Variants in TMEM175 observed in about 807,000 individuals in gnomAD.
TMEM175 encodes the protein endosomal/lysosomal proton channel TMEM175.
TMEM175 carries 36 observed loss-of-function variants against 36.5 expected under a neutral mutation model. The observed-to-expected ratio is 0.99, with a 90% CI of 0.76 to 1.30. The LOEUF is 1.30. Ranked by LOEUF, TMEM175 falls within the 50% of genes most tolerant of loss-of-function variation. The pLI is 0.00. For missense variants in TMEM175, 705 were observed against 692.8 expected, an observed-to-expected ratio of 1.02 and a Z score of -0.20; for synonymous variants, 339 against 313.4, an observed-to-expected ratio of 1.08 and a Z score of -0.86.
chr4:948,254 G>C, intron 3 of TMEM175, 100 bp downstream of exon 3: 1 of 1,607,612 alleles, frequency 6.2e-7, no homozygotes, highest in Non-Finnish European at 8.5e-7. Flanking sequence ...ACGCCTCGAA[G>C]CTTCTGAGGC....
At position 948,152 on chromosome 4, in the gene TMEM175, C is replaced by G. The variant is rs149041873; in HGVS notation, c.190C>G (p.Gln64Glu). ...PVTHTEISPE[Q>E]QFDRSVQRLL... is the part of the protein sequence containing the mutation. ...GACCCACACGGAGATCTCCCCAGAA[C>G]AGGTAACGGGGCAGGCTGTGCTCTG... Residue 64 changes from glutamine (Q) to glutamate (E), a missense_variant and splice_region_variant, in exon 3 of 11, where the codon CAG becomes GAG. Gln to Glu is a conservative substitution (Grantham distance 29). Coordinates refer to ENST00000264771, the MANE Select transcript of TMEM175 (RefSeq NM_032326.4). 7.4e-5 allele frequency: 119 copies of G among 1,614,074 alleles called. No homozygotes were observed. Among genetic ancestry groups the G allele is most frequent in the Non-Finnish European group, 9.7e-5 (114 of 1,180,060 alleles).
chr4:953,999 CTTTTTTTT>C (rs529343345), intron 8 of TMEM175, among the ~76,000 whole-genome samples: 4 of 149,510 alleles, frequency 2.7e-5, no homozygotes, highest in Admixed American at 2.0e-4. Context: ...TTCTTTTTTT[CTTTTTTTT>C]TTCTTGAGAC....
chr4:950,385 C>A, intron 3 of TMEM175, 36 bp from the exon 4 acceptor site: 2 of 1,516,728 alleles, frequency 1.3e-6, no homozygotes, highest in South Asian at 2.2e-5. Flanking sequence ...ACACTCATGT[C>A]ACCTGGGCTC....
In TMEM175 at chr4:944,338, A is replaced by C. The variant is rs189447751; in HGVS notation, c.-31-3371A>C. On this transcript the variant is annotated intron_variant, in intron 1 of 10. Coordinates refer to ENST00000264771, the MANE Select transcript of TMEM175 (RefSeq NM_032326.4). ...ACGAGGCAAAATTACAGTGACAGAA[A>C]ACAGATCAGTGGTTGCTGGAGCTTG... Among the ~76,000 whole-genome samples, 117 of 152,324 alleles carry C rather than the reference A, an allele frequency of 7.7e-4. 1 individual carries two copies. The highest frequency in any genetic ancestry group is 2.6e-3 in the African/African-American group (109 of 41,574).
At chr4:951,138 AAG>A in intron 4 of TMEM175, 67 bp from the exon 5 acceptor site, 4 of 1,380,772 alleles carry the variant, frequency 2.9e-6, no homozygotes, top group Non-Finnish European at 3.1e-6. Flanking sequence ...AGATGCTGGA[AAG>A]AGTGTGTGTG....
chr4:943,036 G>A (rs1310811096), intron 1 of TMEM175, among the ~76,000 whole-genome samples: 5 of 152,082 alleles, frequency 3.3e-5, no homozygotes, highest in African/African-American at 4.8e-5. Context: ...CATCTTGCAG[G>A]ATTTTTAACT....
intron 10 of TMEM175, among the ~76,000 whole-genome samples, chr4:957,548 C>G (rs776033425): frequency 6.6e-6 from 1 of 152,258 alleles, no homozygotes; most frequent in Non-Finnish European, 1.5e-5. Flanking sequence ...CAGCCCAGGG[C>G]CCCCAGCAGC....
chr4:958,565 G>A lies in TMEM175; in HGVS notation c.*69G>A. 3 of 1,341,838 alleles carry A rather than the reference G, an allele frequency of 2.2e-6. No homozygotes were observed. Among genetic ancestry groups the A allele is most frequent in the Admixed American group, 2.9e-5 (1 of 34,532 alleles). 83.1% of individuals were successfully genotyped at this position (1,341,838 alleles called of 1,614,324 possible). A position where few individuals can be genotyped will look rare whatever the true frequency, so the allele number is the denominator to read the frequency against. On this transcript the variant is annotated 3_prime_UTR_variant, in exon 11 of 11. Coordinates refer to ENST00000264771, the MANE Select transcript of TMEM175 (RefSeq NM_032326.4). ...CAGGGAGGACAGGATGCTGGGCAGGGGAAGCCAAGTCACGGGCAGGCCGCA... is the reference window on the plus strand; with the variant it reads ...CAGGGAGGACAGGATGCTGGGCAGGAGAAGCCAAGTCACGGGCAGGCCGCA...
At chr4:935,286 T>C (rs2152995779) in intron 1 of TMEM175, among the ~76,000 whole-genome samples, 1 of 152,324 alleles carries the variant, frequency 6.6e-6, no homozygotes, top group African/African-American at 2.4e-5. Context: ...AATATCTATC[T>C]CCATATCTCA....
At chr4:935,863 C>G (rs1424338174) in intron 1 of TMEM175, among the ~76,000 whole-genome samples, 2 of 152,164 alleles carry the variant, frequency 1.3e-5, no homozygotes, top group African/African-American at 4.8e-5. Context: ...CTGAATAACT[C>G]ACTTTTGTTT....
chr4:956,552 C>G (rs1729683298), intron 10 of TMEM175: 2 of 1,000,148 alleles, frequency 2.0e-6, no homozygotes, highest in Non-Finnish European at 2.7e-6. Flanking sequence ...AAGCAATTCT[C>G]CTGCCTCAGC....
rs756372733 is a variant in TMEM175 at position 958,087 on chromosome 4, C to G, written c.1106C>G (p.Pro369Arg). Residue 369 changes from proline to arginine, a missense_variant, in exon 11 of 11, where the codon CCC becomes CGC. Transcript: ENST00000264771. ...CAGACCTCGGCCTTCGCCCGGCAGC[C>G]CCGCGATGAGCTGGAGCGCGTGCGT... ...YQQTSAFARQPRDELERVRVS... is the reference protein window; with the variant it reads ...YQQTSAFARQRRDELERVRVS... 10 of 1,607,554 alleles carry G rather than the reference C, an allele frequency of 6.2e-6. No individual in the cohort carries two copies. The highest frequency in any genetic ancestry group is 8.5e-6 in the Non-Finnish European group (10 of 1,179,696).
intron 10 of TMEM175, chr4:956,492 G>C (rs1345609197): frequency 3.2e-6 from 4 of 1,266,040 alleles, no homozygotes; most frequent in South Asian, 2.6e-5. Flanking sequence ...GCCCAGGCTG[G>C]AGTATAGTGG....
chr4:942,612 G>T (rs2152998511), intron 1 of TMEM175, among the ~76,000 whole-genome samples: 1 of 150,824 alleles, frequency 6.6e-6, no homozygotes, highest in African/African-American at 2.4e-5. Context: ...ATATTATTTT[G>T]GCTGTTAAGG....
chr4:944,414 G>T (rs912979716), intron 1 of TMEM175, among the ~76,000 whole-genome samples: 18 of 152,220 alleles, frequency 1.2e-4, no homozygotes, highest in African/African-American at 4.3e-4. Context: ...AGAACAGTTT[G>T]CTGGATTGTG....
At chr4:933,421 C>T (rs549924084) in intron 1 of TMEM175, among the ~76,000 whole-genome samples, 1 of 152,190 alleles carries the variant, frequency 6.6e-6, no homozygotes, top group Non-Finnish European at 1.5e-5. Flanking sequence ...GCAGGAGAAT[C>T]GCTTGAACCC....
Position 958,201 on chromosome 4 carries a change from C to T in TMEM175, c.1220C>T (p.Pro407Leu). The T allele has an allele frequency of 6.2e-7, 1 of 1,602,256 alleles. No individual in the cohort carries two copies. Among genetic ancestry groups the T allele is most frequent in the Non-Finnish European group, 8.5e-7 (1 of 1,176,800 alleles). Residue 407 changes from proline to leucine, a missense_variant, in exon 11 of 11, where the codon CCC becomes CTC. Pro to Leu is a moderately conservative substitution (Grantham distance 98, BLOSUM62 -3). Coordinates refer to ENST00000264771, the MANE Select transcript of TMEM175 (RefSeq NM_032326.4). ...ALLHQAETLQ[P>L]SVWFGGREHV... ...CTGCACCAGGCGGAGACGCTGCAGC[C>T]CTCGGTGTGGTTTGGCGGCCGGGAG...
At chr4:950,323 C>G in intron 3 of TMEM175, 98 bp from the exon 4 acceptor site, 2 of 1,026,402 alleles carry the variant, frequency 1.9e-6, no homozygotes, top group South Asian at 1.4e-5. Context: ...TCGCCCTGCC[C>G]TGGGCCGAGG....
intron 8 of TMEM175, among the ~76,000 whole-genome samples, chr4:954,177 C>T (rs778589965): frequency 1.2e-4 from 18 of 151,898 alleles, no homozygotes; most frequent in South Asian, 2.1e-4. Context: ...TTAGTAGACA[C>T]GGGGTTTCAC....
Sources: allele counts gnomAD v4.1 joint callset (sites outside exome capture counted in the v4.1 genomes callset), GRCh38; gene constraint gnomAD v4.1.1; transcripts MANE v1.5; gene names NCBI Gene and HGNC (gene_info 2026-07-23, HGNC 2026-07-21).